Variants in PTPN4 observed in about 807,000 individuals in gnomAD.
PTPN4 encodes tyrosine-protein phosphatase non-receptor type 4.
In PTPN4, 49 loss-of-function variants were observed where a neutral mutation model predicts 135.5. The observed-to-expected ratio is 0.36, with a 90% CI of 0.29 to 0.46. The LOEUF (loss-of-function observed/expected upper bound fraction) is 0.46, where lower values mean the gene tolerates loss of function less well. Among genes scored for constraint, PTPN4 ranks in the 20% least tolerant of loss-of-function variants. The pLI, the probability that PTPN4 is intolerant of heterozygous loss-of-function variation, is 1.00. For synonymous variants in PTPN4, 333 were observed against 369.9 expected, an observed-to-expected ratio of 0.90 and a Z score of 1.14; for missense variants, 860 against 1,101.0, an observed-to-expected ratio of 0.78 and a Z score of 3.10.
At chr2:119,776,353 T>G (rs1441349972) in intron 1 of PTPN4, among the ~76,000 whole-genome samples, 1 of 152,092 alleles carries the variant, frequency 6.6e-6, no homozygotes, top group Non-Finnish European at 1.5e-5. Context: ...TTTTTTGTGT[T>G]TTTAGTAGAG....
intron 1 of PTPN4, among the ~76,000 whole-genome samples, chr2:119,806,623 TAATG>T (rs1691475258): frequency 6.6e-6 from 1 of 152,098 alleles, no homozygotes; most frequent in Admixed American, 6.5e-5. Flanking sequence ...CACACAATAA[TAATG>T]GAAGACTTTA....
At chr2:119,823,930 A>G (rs1002511067) in intron 2 of PTPN4, among the ~76,000 whole-genome samples, 9 of 152,220 alleles carry the variant, frequency 5.9e-5, no homozygotes, top group Admixed American at 5.9e-4. Context: ...GGCTCCCCTG[A>G]GGCCACCATG....
chr2:119,864,619 C>CT (rs1156474365), intron 3 of PTPN4, among the ~76,000 whole-genome samples: 2 of 151,900 alleles, frequency 1.3e-5, no homozygotes, highest in Admixed American at 1.3e-4. Context: ...GAAAACAGTC[C>CT]TTTTCAGGAA....
At chr2:119,937,844 A>G (rs1294026569) in intron 15 of PTPN4, among the ~76,000 whole-genome samples, 1 of 152,060 alleles carries the variant, frequency 6.6e-6, no homozygotes, top group East Asian at 1.9e-4. Context: ...AGGCAGAAGG[A>G]TCACTAGAGC....
At chr2:119,955,640 T>G (rs1158017621) in intron 20 of PTPN4, among the ~76,000 whole-genome samples, 1 of 152,138 alleles carries the variant, frequency 6.6e-6, no homozygotes, top group East Asian at 1.9e-4. Flanking sequence ...ATTATATACT[T>G]TAAAATCCTG....
intron 2 of PTPN4, among the ~76,000 whole-genome samples, chr2:119,819,182 G>T (rs1677031456): frequency 6.6e-6 from 1 of 152,128 alleles, no homozygotes; most frequent in African/African-American, 2.4e-5. Flanking sequence ...AGTATGGTTT[G>T]GCAGGTGCCC....
chr2:119,917,420 T>C (rs1236710638), intron 11 of PTPN4, among the ~76,000 whole-genome samples: 1 of 152,134 alleles, frequency 6.6e-6, no homozygotes, highest in East Asian at 1.9e-4. Flanking sequence ...ACAACCTGTC[T>C]GATAGGAGAA....
chr2:119,802,986 A>G (rs901892688), intron 1 of PTPN4, among the ~76,000 whole-genome samples: 3 of 152,120 alleles, frequency 2.0e-5, no homozygotes, highest in Admixed American at 6.5e-5. Flanking sequence ...AAATTGATGT[A>G]TAAGTTGTTT....
chr2:119,964,377 T>TA (rs1679417825), intron 24 of PTPN4, among the ~76,000 whole-genome samples: 1 of 152,218 alleles, frequency 6.6e-6, no homozygotes, highest in Non-Finnish European at 1.5e-5. Flanking sequence ...CTGTCTCCGT[T>TA]ATACCAACCT....
rs989177012 is a variant in PTPN4 at position 119,952,434 on chromosome 2, A to G, written c.1813+305A>G. Among the ~76,000 whole-genome samples, 3 of 152,102 alleles carry G rather than the reference A, an allele frequency of 2.0e-5. No individual in the cohort carries two copies. The East Asian group carries it at 5.8e-4, about 29-fold the overall frequency. Reference sequence around the variant, plus strand: ...TCCCTGTGCTGACATACTCTTTTTGATTTTGTTATGACTTATACCTATACT... The same window carrying G: ...TCCCTGTGCTGACATACTCTTTTTGGTTTTGTTATGACTTATACCTATACT... On this transcript the variant is annotated intron_variant, in intron 19 of 26. Coordinates refer to ENST00000263708, the MANE Select transcript of PTPN4 (RefSeq NM_002830.4).
At chr2:119,970,847 T>C (rs1340712112) in intron 26 of PTPN4, among the ~76,000 whole-genome samples, 1 of 152,244 alleles carries the variant, frequency 6.6e-6, no homozygotes, top group East Asian at 1.9e-4. Context: ...TTTCATTCTG[T>C]TTAACCTTTT....
rs957249542 is a variant in PTPN4 at position 119,945,604 on chromosome 2, T to G, written c.1515+364T>G. Among the ~76,000 whole-genome samples the G allele has an allele frequency of 3.0e-4, 25 of 84,002 alleles. 1 individual carries two copies. The highest frequency in any genetic ancestry group is 0.016 in the Middle Eastern group (2 of 124). 55.1% of individuals were successfully genotyped at this position (84,002 alleles called of 152,430 possible). A position where few individuals can be genotyped will look rare whatever the true frequency, so the allele number is the denominator to read the frequency against. On this transcript the variant is annotated intron_variant, in intron 16 of 26. Coordinates refer to ENST00000263708, the MANE Select transcript of PTPN4 (RefSeq NM_002830.4). Reference sequence around the variant, plus strand: ...CCTAAAACTTAAAGTATAATAATAATAAAAATTAAAAATAAAAATAACAAT... The same window carrying G: ...CCTAAAACTTAAAGTATAATAATAAGAAAAATTAAAAATAAAAATAACAAT...
chr2:119,803,910 A>T (rs1691420509), intron 1 of PTPN4, among the ~76,000 whole-genome samples: 1 of 151,904 alleles, frequency 6.6e-6, no homozygotes, highest in African/African-American at 2.4e-5. Context: ...ATCTGTTCTT[A>T]TGAATTTTAT....
At chr2:119,837,019 G>C (rs1429938999) in intron 2 of PTPN4, among the ~76,000 whole-genome samples, 1 of 152,234 alleles carries the variant, frequency 6.6e-6, no homozygotes, top group African/African-American at 2.4e-5. Context: ...GCGTAAAGGG[G>C]AAGGTTCCCG....
chr2:119,848,040 A>T (rs1355373091), intron 2 of PTPN4, among the ~76,000 whole-genome samples: 1 of 150,858 alleles, frequency 6.6e-6, no homozygotes, highest in South Asian at 2.1e-4. Flanking sequence ...TTTTACTCTA[A>T]TGCTTCTTGG....
chr2:119,881,443 T>C (rs1280957875), intron 5 of PTPN4, among the ~76,000 whole-genome samples: 5 of 152,198 alleles, frequency 3.3e-5, no homozygotes, highest in African/African-American at 1.2e-4. Context: ...ATGTTTGTGA[T>C]ACTCAGGTTT....
chr2:119,912,481 T>G (rs1194184004), intron 10 of PTPN4, among the ~76,000 whole-genome samples: 1 of 152,158 alleles, frequency 6.6e-6, no homozygotes, highest in Non-Finnish European at 1.5e-5. Context: ...AAAAGATGCA[T>G]TGGTGGTATA....
At chr2:119,851,645 T>C (rs1677593120) in intron 2 of PTPN4, among the ~76,000 whole-genome samples, 1 of 152,190 alleles carries the variant, frequency 6.6e-6, no homozygotes, top group African/African-American at 2.4e-5. Flanking sequence ...AAAGCCAGGC[T>C]CTGCTATTTT....
chr2:119,847,765 T>C (rs564999119), intron 2 of PTPN4, among the ~76,000 whole-genome samples: 1 of 152,346 alleles, frequency 6.6e-6, no homozygotes, highest in Admixed American at 6.5e-5. Context: ...GTGGATCTGC[T>C]GGCAACAAAT....
Sources: gnomAD v4.1 joint callset for allele counts (sites outside exome capture counted in the v4.1 genomes callset) on GRCh38, gnomAD v4.1.1 for gene constraint, MANE v1.5 for transcripts, NCBI Gene and HGNC (gene_info 2026-07-23, HGNC 2026-07-21) for gene names.